GALNT17: variants seen among roughly 807,000 people sequenced by gnomAD.
The protein encoded by GALNT17 is UDP-GalNAc:polypeptide N-acetylgalactosaminyltransferase-like 3.
Under a neutral mutation model 63.7 loss-of-function variants are expected in GALNT17, and 29 were observed. The observed-to-expected ratio is 0.46, with a 90% CI of 0.34 to 0.62. GALNT17 has a LOEUF of 0.62. GALNT17 is among the 20% of genes least tolerant of loss of function. GALNT17 has a pLI of 0.01. For missense variants in GALNT17, 603 were observed against 799.6 expected, an observed-to-expected ratio of 0.75 and a Z score of 2.97; for synonymous variants, 305 against 318.3, an observed-to-expected ratio of 0.96 and a Z score of 0.45.
intron 5 of GALNT17, among the ~76,000 whole-genome samples, chr7:71,470,177 G>A (rs1787604071): frequency 6.6e-6 from 1 of 152,180 alleles, no homozygotes; most frequent in Admixed American, 6.5e-5. Flanking sequence ...CCACTGCACT[G>A]CAGCCTAGAA....
At chr7:71,693,196 A>G (rs373513048) in intron 9 of GALNT17, among the ~76,000 whole-genome samples, 1 of 126,904 alleles carries the variant, frequency 7.9e-6, no homozygotes, top group East Asian at 3.9e-4. Context: ...GTGTGTGTAT[A>G]TAGTGTGTGT....
chr7:71,377,568 T>G (rs1464904218), intron 2 of GALNT17, among the ~76,000 whole-genome samples: 1 of 152,130 alleles, frequency 6.6e-6, no homozygotes, highest in Non-Finnish European at 1.5e-5. Flanking sequence ...TTAAAAGGTA[T>G]GAATTCTCTC....
chr7:71,374,443 C>G (rs1792683376), intron 2 of GALNT17, among the ~76,000 whole-genome samples: 1 of 152,232 alleles, frequency 6.6e-6, no homozygotes, highest in Non-Finnish European at 1.5e-5. Context: ...TGTTTCAGGA[C>G]CAGTGGGCTA....
chr7:71,535,635 T>C (rs1041122702), intron 5 of GALNT17, among the ~76,000 whole-genome samples: 3 of 152,242 alleles, frequency 2.0e-5, no homozygotes, highest in African/African-American at 7.2e-5. Context: ...CAACTCACAA[T>C]GTGATGCTTC....
chr7:71,373,442 C>T (rs1038461842), intron 2 of GALNT17, among the ~76,000 whole-genome samples: 1 of 151,978 alleles, frequency 6.6e-6, no homozygotes, highest in South Asian at 2.1e-4. Flanking sequence ...CTGCCAGGAC[C>T]GAGTCTCTAT....
intron 1 of GALNT17, among the ~76,000 whole-genome samples, chr7:71,209,072 C>A (rs2116387818): frequency 6.6e-6 from 1 of 152,322 alleles, no homozygotes; most frequent in East Asian, 1.9e-4. Context: ...ACCTCATAAA[C>A]AAATGAGTGT....
intron 6 of GALNT17, among the ~76,000 whole-genome samples, chr7:71,636,682 C>G (rs1790532553): frequency 6.6e-6 from 1 of 152,112 alleles, no homozygotes; most frequent in East Asian, 1.9e-4. Flanking sequence ...ATCAAGTGAC[C>G]AGTTTAGGTT....
intron 9 of GALNT17, among the ~76,000 whole-genome samples, chr7:71,694,593 A>T (rs1277650933): frequency 6.6e-6 from 1 of 152,086 alleles, no homozygotes; most frequent in Admixed American, 6.5e-5. Context: ...ACGGGGTTTC[A>T]CCATGTTGGC....
At chr7:71,619,645 A>G (rs1293788920) in intron 6 of GALNT17, among the ~76,000 whole-genome samples, 1 of 152,174 alleles carries the variant, frequency 6.6e-6, no homozygotes, top group Non-Finnish European at 1.5e-5. Context: ...TTGATTTTGT[A>G]TCCTGAAACT....
chr7:71,578,580 G>T (rs529640692), intron 6 of GALNT17, among the ~76,000 whole-genome samples: 120 of 152,170 alleles, frequency 7.9e-4, no homozygotes, highest in Non-Finnish European at 1.5e-3. Flanking sequence ...GACCTCAAGG[G>T]ACTGTTCCAT....
chr7:71,509,706 A>G (rs1788323496), intron 5 of GALNT17, among the ~76,000 whole-genome samples: 1 of 152,110 alleles, frequency 6.6e-6, no homozygotes, highest in Non-Finnish European at 1.5e-5. Flanking sequence ...TTGGGAGCTG[A>G]TCCCAGAAAG....
At chr7:71,632,514 G>A (rs774625609) in intron 6 of GALNT17, among the ~76,000 whole-genome samples, 7 of 152,144 alleles carry the variant, frequency 4.6e-5, no homozygotes, top group Non-Finnish European at 8.8e-5. Flanking sequence ...TGATATCTAC[G>A]ACCAAGCTCA....
intron 5 of GALNT17, among the ~76,000 whole-genome samples, chr7:71,509,916 A>C (rs1788326980): frequency 6.6e-6 from 1 of 151,136 alleles, no homozygotes; most frequent in South Asian, 2.1e-4. Flanking sequence ...GATATAATGT[A>C]CATGACATGC....
chr7:71,522,810 T>C (rs1479350973), intron 5 of GALNT17, among the ~76,000 whole-genome samples: 2 of 152,208 alleles, frequency 1.3e-5, no homozygotes, highest in African/African-American at 2.4e-5. Context: ...TCTTGATTGA[T>C]CTGAGGATGT....
At chr7:71,486,489 A>G (rs545324218) in intron 5 of GALNT17, among the ~76,000 whole-genome samples, 3 of 151,794 alleles carry the variant, frequency 2.0e-5, no homozygotes, top group Admixed American at 6.6e-5. Context: ...ACCATAGTTC[A>G]TTGCTTCTCA....
chr7:71,491,219 A>G (rs77258219), intron 5 of GALNT17, among the ~76,000 whole-genome samples: 2,165 of 152,192 alleles, frequency 0.014, 48 homozygotes, highest in African/African-American at 0.049. Context: ...AAAAGAAAAG[A>G]AAAACACAAC....
chr7:71,565,861 T>C (rs1789334561), intron 5 of GALNT17, among the ~76,000 whole-genome samples: 1 of 125,316 alleles, frequency 8.0e-6, no homozygotes, highest in Non-Finnish European at 1.7e-5. Context: ...TTTTTTTTTT[T>C]GAAACGGAGT....
At chr7:71,187,496 G>A (rs1482864929) in intron 1 of GALNT17, among the ~76,000 whole-genome samples, 2 of 151,960 alleles carry the variant, frequency 1.3e-5, no homozygotes, top group African/African-American at 2.4e-5. Context: ...TCGTTTGTTC[G>A]TATCATTGTT....
intron 5 of GALNT17, among the ~76,000 whole-genome samples, chr7:71,570,733 A>C (rs1189643206): frequency 6.6e-6 from 1 of 152,102 alleles, no homozygotes; most frequent in Non-Finnish European, 1.5e-5. Context: ...TAATCCCAGC[A>C]CTTTGGGACG....
Sources: gnomAD v4.1 joint callset for allele counts (sites outside exome capture counted in the v4.1 genomes callset) on GRCh38, gnomAD v4.1.1 for gene constraint, MANE v1.5 for transcripts, NCBI Gene and HGNC (gene_info 2026-07-23, HGNC 2026-07-21) for gene names.